Variants in TRIM33 observed in about 807,000 individuals in gnomAD.
TRIM33 encodes the protein tripartite motif containing 33, also known as E3 ubiquitin-protein ligase TRIM33.
A neutral mutation model predicts 125.4 loss-of-function variants in TRIM33; 20 were observed. The observed-to-expected ratio is 0.16, with a 90% CI of 0.11 to 0.23. The LOEUF is 0.23. TRIM33 is among the 10% of genes least tolerant of loss of function. The probability of loss-of-function intolerance (pLI) is 1.00; values close to 1 mark genes in which losing one functional copy is unlikely to be tolerated. For missense variants in TRIM33, 920 were observed against 1,411.4 expected, an observed-to-expected ratio of 0.65 and a Z score of 5.58; for synonymous variants, 564 against 513.9, an observed-to-expected ratio of 1.10 and a Z score of -1.32.
At chr1:114,470,907 TC>T (rs1423716405) in intron 1 of TRIM33, among the ~76,000 whole-genome samples, 1 of 152,204 alleles carries the variant, frequency 6.6e-6, no homozygotes, top group Non-Finnish European at 1.5e-5. Flanking sequence ...CTCAAGTGAT[TC>T]CTACCTCAGC....
intron 1 of TRIM33, chr1:114,468,801 A>G (rs1396703058): frequency 8.4e-6 from 3 of 355,550 alleles, no homozygotes; most frequent in Non-Finnish European, 1.6e-5. Context: ...CAATAATCAT[A>G]CAGGCCCTGC....
intron 10 of TRIM33, among the ~76,000 whole-genome samples, chr1:114,423,485 T>C (rs1007065767): frequency 1.3e-5 from 2 of 152,158 alleles, no homozygotes; most frequent in African/African-American, 2.4e-5. Flanking sequence ...GTACAGCTTT[T>C]GAAACTATTT....
chr1:114,499,259 C>T (rs575423981), intron 1 of TRIM33, among the ~76,000 whole-genome samples: 1 of 152,180 alleles, frequency 6.6e-6, no homozygotes, highest in Admixed American at 6.5e-5. Flanking sequence ...CAAACAAGGG[C>T]GTAAACAAAG....
chr1:114,499,695 C>G (rs1177461508), intron 1 of TRIM33, among the ~76,000 whole-genome samples: 2 of 152,188 alleles, frequency 1.3e-5, no homozygotes, highest in African/African-American at 4.8e-5. Context: ...TAAAACCAGT[C>G]TGGCAGATTT....
chr1:114,441,312 T>C (rs1271735195), intron 4 of TRIM33, among the ~76,000 whole-genome samples: 1 of 152,154 alleles, frequency 6.6e-6, no homozygotes, highest in Non-Finnish European at 1.5e-5. Flanking sequence ...AATAAAAAAG[T>C]ATGTAGTCAT....
intron 1 of TRIM33, among the ~76,000 whole-genome samples, chr1:114,492,967 C>T (rs1385334256): frequency 6.6e-6 from 1 of 152,184 alleles, no homozygotes; most frequent in African/African-American, 2.4e-5. Context: ...TTATGTTTAA[C>T]TTTCTGAGGA....
chr1:114,402,077 C>A (rs1651929377), intron 16 of TRIM33, among the ~76,000 whole-genome samples: 1 of 152,094 alleles, frequency 6.6e-6, no homozygotes, highest in Admixed American at 6.5e-5. Flanking sequence ...AGAGTAGAGC[C>A]AAACTTAACT....
At chr1:114,420,406 TG>T in intron 11 of TRIM33, 2 of 1,335,540 alleles carry the variant, frequency 1.5e-6, no homozygotes, top group Non-Finnish European at 9.9e-7. Flanking sequence ...GTCTTCTCTC[TG>T]GCTCCAAACT....
At chr1:114,409,684 G>T (rs1652460002) in intron 12 of TRIM33, among the ~76,000 whole-genome samples, 1 of 152,068 alleles carries the variant, frequency 6.6e-6, no homozygotes. Context: ...TAATTACAAA[G>T]AACAATCAAG....
chr1:114,500,111 G>A lies in TRIM33; in HGVS notation c.526+10440C>T, dbSNP rs1209021685. On this transcript the variant is annotated intron_variant, in intron 1 of 19. Transcript: ENST00000358465. ...GAACCTGGGAGTCGGACGTTGCAGT[G>A]AGCAGAGATCGTGCCATTGCACTCC... Among the ~76,000 whole-genome samples the A allele has an allele frequency of 2.6e-5, 4 of 152,306 alleles. No individual in the cohort carries two copies. The East Asian group carries it at 5.8e-4, about 22-fold the overall frequency.
intron 15 of TRIM33, chr1:114,405,187 A>G: frequency 4.3e-6 from 2 of 466,168 alleles, no homozygotes; most frequent in South Asian, 7.7e-5. Flanking sequence ...AATATAAACT[A>G]AAGGCCAGGA....
chr1:114,402,486 G>A (rs1651959842), intron 16 of TRIM33, among the ~76,000 whole-genome samples: 1 of 152,094 alleles, frequency 6.6e-6, no homozygotes, highest in African/African-American at 2.4e-5. Flanking sequence ...AGTTTTTTAT[G>A]TCGTTATTTG....
chr1:114,492,743 C>T lies in TRIM33; in HGVS notation c.526+17808G>A, dbSNP rs778731062. On this transcript the variant is annotated intron_variant, in intron 1 of 19. Coordinates refer to ENST00000358465, the MANE Select transcript of TRIM33 (RefSeq NM_015906.4). ...GGTTTACTCATATTGCAGCATGTAT[C>T]GGAAATTCATTCCTTTTCAGGACCA... 1.1e-4 allele frequency among the ~76,000 whole-genome samples: 16 copies of T among 152,288 alleles called. 1 individual carries two copies. Among genetic ancestry groups the T allele is most frequent in the Admixed American group, 3.9e-4 (6 of 15,296 alleles).
In TRIM33 at chr1:114,393,741, A is replaced by G. The variant is rs895936569; in HGVS notation, c.*3907T>C. On this transcript the variant is annotated 3_prime_UTR_variant, in exon 20 of 20. Transcript: ENST00000358465. ...CTGTGGCATATAAATTTTTTTCCTT[A>G]AAAAAGTACCTTCAATTTTTTTACT... The G allele has an allele frequency of 5.7e-5, 12 of 210,186 alleles. No individual in the cohort carries two copies. Among genetic ancestry groups the G allele is most frequent in the Non-Finnish European group, 1.2e-4 (12 of 103,328 alleles). The allele number at this position is 210,186 out of a possible 1,614,324, so 13.0% of individuals were successfully genotyped here.
chr1:114,396,965 T>C lies in TRIM33; in HGVS notation c.*683A>G, dbSNP rs773423746. 16 of 216,078 alleles carry C rather than the reference T, an allele frequency of 7.4e-5. No individual in the cohort carries two copies. Among genetic ancestry groups the C allele is most frequent in the Non-Finnish European group, 1.4e-4 (15 of 107,180 alleles). 13.4% of individuals were successfully genotyped at this position (216,078 alleles called of 1,614,324 possible). ...ATAATCCACTAATGAAAAGTTACCA[T>C]TTTTGTTTCAGTAGACCATTGAAGT... On this transcript the variant is annotated 3_prime_UTR_variant, in exon 20 of 20. Coordinates refer to ENST00000358465, the MANE Select transcript of TRIM33 (RefSeq NM_015906.4).
chr1:114,406,789 G>T, intron 14 of TRIM33, 152 bp downstream of exon 14: 1 of 670,780 alleles, frequency 1.5e-6, no homozygotes. Context: ...CAAAAAAGTT[G>T]AGTTAGAAAA....
At chr1:114,428,186 CTAATA>C (rs1434336750) in intron 6 of TRIM33, among the ~76,000 whole-genome samples, 2 of 152,078 alleles carry the variant, frequency 1.3e-5, no homozygotes, top group African/African-American at 2.4e-5. Context: ...TTAGATTAAT[CTAATA>C]TATGGTATTT....
At chr1:114,444,992 GA>G (rs958748641) in intron 4 of TRIM33, among the ~76,000 whole-genome samples, 55 of 151,844 alleles carry the variant, frequency 3.6e-4, no homozygotes, top group Non-Finnish European at 2.7e-4. Context: ...ACTACTAAAA[GA>G]AAAAAAGGAA....
rs1651405442 is a variant in TRIM33, at chr1:114,393,821, GCC to G, written c.*3825_*3826del. On this transcript the variant is annotated 3_prime_UTR_variant, in exon 20 of 20. Transcript: ENST00000358465. ...CTTTCCCCAATTTTTAAAATAAAAT[GCC>G]ACAATATAGTGTCATTACTTCCAGC... is the stretch of plus-strand genomic sequence containing the variant. The G allele has an allele frequency of 9.6e-6, 2 of 208,244 alleles. No individual in the cohort carries two copies. The highest frequency in any genetic ancestry group is 4.6e-5 in the African/African-American group (2 of 43,866). The allele number at this position is 208,244 out of a possible 1,614,324, so 12.9% of individuals were successfully genotyped here. A position where few individuals can be genotyped will look rare whatever the true frequency, so the allele number is the denominator to read the frequency against.
Sources: gnomAD v4.1 joint callset for allele counts (sites outside exome capture counted in the v4.1 genomes callset) on GRCh38, gnomAD v4.1.1 for gene constraint, MANE v1.5 for transcripts, NCBI Gene and HGNC (gene_info 2026-07-23, HGNC 2026-07-21) for gene names.